DAPL1: variants seen among roughly 807,000 people sequenced by gnomAD.
The protein encoded by DAPL1 is death-associated protein-like 1.
In DAPL1, 17 loss-of-function variants were observed where a neutral mutation model predicts 12.9. The ratio of observed to expected loss-of-function variants is 1.32; its 90% CI spans 0.90 to 1.98. The LOEUF is 1.98. DAPL1 is among the 30% of genes most tolerant of loss of function. The probability of loss-of-function intolerance (pLI) is 0.00; values close to 1 mark genes in which losing one functional copy is unlikely to be tolerated. For missense variants in DAPL1, 157 were observed against 125.7 expected, an observed-to-expected ratio of 1.25 and a Z score of -1.19; for synonymous variants, 51 against 42.0, an observed-to-expected ratio of 1.21 and a Z score of -0.82.
chr2:158,810,868 A>G (rs2059226946), intron 3 of DAPL1, among the ~76,000 whole-genome samples: 1 of 152,238 alleles, frequency 6.6e-6, no homozygotes, highest in Non-Finnish European at 1.5e-5. Flanking sequence ...TCTTAGATCA[A>G]GTTCCACCCA....
chr2:158,803,512 A>C (rs1250825201), intron 1 of DAPL1, among the ~76,000 whole-genome samples: 3 of 152,220 alleles, frequency 2.0e-5, no homozygotes, highest in Non-Finnish European at 4.4e-5. Context: ...TAGATGTGCA[A>C]ATTTCCTGGG....
chr2:158,813,552 TTTTTC>T (rs1397513646), intron 3 of DAPL1, among the ~76,000 whole-genome samples: 3 of 117,916 alleles, frequency 2.5e-5, no homozygotes, highest in Non-Finnish European at 3.6e-5. Flanking sequence ...TCTCCTTTCC[TTTTTC>T]TTTTTTTTTT....
At chr2:158,801,132 C>G (rs766862309) in intron 1 of DAPL1, among the ~76,000 whole-genome samples, 6 of 152,148 alleles carry the variant, frequency 3.9e-5, no homozygotes, top group Admixed American at 6.5e-5. Flanking sequence ...TGTGAGCCAT[C>G]GCGCCCAGCC....
Position 158,805,575 on chromosome 2 carries a change from T to G in DAPL1, c.146+1206T>G, listed in dbSNP as rs1406766579. Among the ~76,000 whole-genome samples, 2 of 125,890 alleles carry G rather than the reference T, an allele frequency of 1.6e-5. 1 individual carries two copies. Among genetic ancestry groups the G allele is most frequent in the Admixed American group, 1.6e-4 (2 of 12,506 alleles). The allele number at this position is 125,890 out of a possible 152,430, so 82.6% of individuals were successfully genotyped here. A position where few individuals can be genotyped will look rare whatever the true frequency, so the allele number is the denominator to read the frequency against. On this transcript the variant is annotated intron_variant, in intron 2 of 3. Coordinates refer to ENST00000309950, the MANE Select transcript of DAPL1 (RefSeq NM_001017920.3). ...TGTGCCCTGCTTATTGTGACATTAG[T>G]TAACCTGCCTGAGCCAGTGGCTCAG...
At chr2:158,811,846 A>G (rs2059232411) in intron 3 of DAPL1, among the ~76,000 whole-genome samples, 1 of 152,276 alleles carries the variant, frequency 6.6e-6, no homozygotes. Flanking sequence ...ATGTCAGACT[A>G]AAACACAGCT....
chr2:158,812,211 C>T (rs187501608), intron 3 of DAPL1, among the ~76,000 whole-genome samples: 1 of 152,338 alleles, frequency 6.6e-6, no homozygotes, highest in East Asian at 1.9e-4. Context: ...ATTATCTTTG[C>T]CAGAATTATT....
At chr2:158,801,066 C>T (rs936912446) in intron 1 of DAPL1, among the ~76,000 whole-genome samples, 1 of 152,202 alleles carries the variant, frequency 6.6e-6, no homozygotes, top group Non-Finnish European at 1.5e-5. Flanking sequence ...TGGTCTTGAA[C>T]TCCTGACCTC....
chr2:158,807,487 G>A (rs1314233361), intron 3 of DAPL1, among the ~76,000 whole-genome samples: 1 of 152,128 alleles, frequency 6.6e-6, no homozygotes, highest in Non-Finnish European at 1.5e-5. Flanking sequence ...CTGCCCCTGT[G>A]TTCCTATAAG....
intron 3 of DAPL1, among the ~76,000 whole-genome samples, chr2:158,809,868 G>A (rs949236862): frequency 8.5e-5 from 13 of 152,104 alleles, no homozygotes; most frequent in East Asian, 3.9e-4. Flanking sequence ...AAATCTCACC[G>A]AATCCATCAT....
At chr2:158,804,454 T>G in intron 2 of DAPL1, 85 bp downstream of exon 2, 2 of 907,778 alleles carry the variant, frequency 2.2e-6, no homozygotes, top group African/African-American at 1.7e-5. Context: ...AAACCAAGGC[T>G]CCCTATGCCT....
At chr2:158,802,377 G>C (rs2059172829) in intron 1 of DAPL1, among the ~76,000 whole-genome samples, 1 of 152,196 alleles carries the variant, frequency 6.6e-6, no homozygotes, top group Non-Finnish European at 1.5e-5. Context: ...CTTAGAATGA[G>C]CGAGGCACAT....
intron 2 of DAPL1, 90 bp downstream of exon 2, chr2:158,804,459 A>T: frequency 1.1e-6 from 1 of 899,986 alleles, no homozygotes; most frequent in Non-Finnish European, 1.7e-6. Flanking sequence ...AAGGCTCCCT[A>T]TGCCTTTGGA....
chr2:158,799,158 A>T (rs1029809379), intron 1 of DAPL1, among the ~76,000 whole-genome samples: 1 of 152,224 alleles, frequency 6.6e-6, no homozygotes, highest in South Asian at 2.1e-4. Context: ...TAGGTTTTCT[A>T]GTGAAATTAT....
At chr2:158,803,379 T>C (rs2059179970) in intron 1 of DAPL1, among the ~76,000 whole-genome samples, 1 of 152,278 alleles carries the variant, frequency 6.6e-6, no homozygotes, top group African/African-American at 2.4e-5. Flanking sequence ...ATTTTCTTTA[T>C]TTTTCACTTT....
intron 3 of DAPL1, among the ~76,000 whole-genome samples, chr2:158,811,443 C>G (rs955441280): frequency 6.6e-6 from 1 of 152,176 alleles, no homozygotes; most frequent in Non-Finnish European, 1.5e-5. Flanking sequence ...TAATACTACC[C>G]AACTTCAGGC....
At chr2:158,798,175 A>G (rs866729109) in intron 1 of DAPL1, among the ~76,000 whole-genome samples, 2 of 152,256 alleles carry the variant, frequency 1.3e-5, no homozygotes, top group South Asian at 2.1e-4. Flanking sequence ...AAGCCAAATG[A>G]ATCAGAGCCA....
At position 158,815,659 on chromosome 2, in the gene DAPL1, C is replaced by G. The variant is rs757804114; in HGVS notation, c.208-46C>G. ...TTCTACTAGTTTAATATTTCATGAC[C>G]AAGAAGATCCAATATGCCTATTTTT... On this transcript the variant is annotated intron_variant, in intron 3 of 3. Transcript: ENST00000309950. The G allele has an allele frequency of 5.1e-6, 6 of 1,177,468 alleles. 1 individual carries two copies. In the Admixed American group the frequency reaches 1.0e-4, roughly 20 times the overall value. 72.9% of individuals were successfully genotyped at this position (1,177,468 alleles called of 1,614,324 possible).
At chr2:158,815,522 C>T (rs1368577490) in intron 3 of DAPL1, among the ~76,000 whole-genome samples, 183 bp from the exon 4 acceptor site, 1 of 151,794 alleles carries the variant, frequency 6.6e-6, no homozygotes, top group Non-Finnish European at 1.5e-5. Context: ...GAGAGAAGAC[C>T]CAGGTTAAAA....
chr2:158,795,340 G>T lies in DAPL1; in HGVS notation c.-33G>T, dbSNP rs1382871644. The T allele has an allele frequency of 1.0e-5, 16 of 1,552,134 alleles. No individual in the cohort carries two copies. Among genetic ancestry groups the T allele is most frequent in the Non-Finnish European group, 1.3e-5 (15 of 1,147,234 alleles). On this transcript the variant is annotated 5_prime_UTR_variant, in exon 1 of 4. Coordinates refer to ENST00000309950, the MANE Select transcript of DAPL1 (RefSeq NM_001017920.3). The stretch of plus-strand genomic sequence containing the variant: ...CCACAGCTGGCATTCAGCCTCCAGA[G>T]CACCAGCACTGGCACTGGCACTGGC...
Sources: gnomAD v4.1 joint callset for allele counts (sites outside exome capture counted in the v4.1 genomes callset) on GRCh38, gnomAD v4.1.1 for gene constraint, MANE v1.5 for transcripts, NCBI Gene and HGNC (gene_info 2026-07-23, HGNC 2026-07-21) for gene names.